Variants in TMPRSS11F observed in about 807,000 individuals in gnomAD.
The protein encoded by TMPRSS11F is transmembrane protease serine 11F.
A neutral mutation model predicts 60.2 loss-of-function variants in TMPRSS11F; 47 were observed. The observed-to-expected ratio is 0.78, with a 90% CI of 0.62 to 1.00. The LOEUF (loss-of-function observed/expected upper bound fraction) is 1.00, where lower values mean the gene tolerates loss of function less well. TMPRSS11F is among the 50% of genes least tolerant of loss of function. The pLI is 0.00. For synonymous variants in TMPRSS11F, 166 were observed against 167.3 expected, an observed-to-expected ratio of 0.99 and a Z score of 0.06; for missense variants, 519 against 522.9, an observed-to-expected ratio of 0.99 and a Z score of 0.07.
chr4:68,105,016 C>T (rs1167213522), intron 1 of TMPRSS11F, among the ~76,000 whole-genome samples: 1 of 126,408 alleles, frequency 7.9e-6, no homozygotes, highest in African/African-American at 3.0e-5. Flanking sequence ...TGATGCTGGC[C>T]TTGTAAAATG....
chr4:68,127,671 G>A (rs141648360), intron 1 of TMPRSS11F, among the ~76,000 whole-genome samples: 4 of 152,006 alleles, frequency 2.6e-5, no homozygotes, highest in African/African-American at 7.2e-5. Context: ...CATGACCCAC[G>A]GTTAGAAATG....
At chr4:68,064,608 A>T in intron 8 of TMPRSS11F, 77 bp downstream of exon 8, 1 of 1,474,418 alleles carries the variant, frequency 6.8e-7, no homozygotes, top group Non-Finnish European at 9.2e-7. Flanking sequence ...AAAGCTTAAG[A>T]GGGATTCTTT....
intron 3 of TMPRSS11F, among the ~76,000 whole-genome samples, chr4:68,078,082 G>A (rs181772211): frequency 2.6e-4 from 39 of 152,182 alleles, no homozygotes; most frequent in African/African-American, 8.7e-4. Context: ...CCCAGGAAGC[G>A]GTGGATGGTC....
At position 68,053,923 on chromosome 4, in the gene TMPRSS11F, T is replaced by C; in HGVS notation, c.1303A>G (p.Lys435Glu). Residue 435 changes from lysine (K) to glutamate (E), a missense_variant, in exon 10 of 10, where the codon AAG becomes GAG. By Grantham distance (56) the Lys-to-Glu change is moderately conservative (BLOSUM62 1). Transcript: ENST00000356291. ...VTKYRDWIASKTGM is the reference protein window; with the variant it reads ...VTKYRDWIASETGM ...GGCAATCCACACTACATACCAGTCTTTGAGGCAATCCAATCTCGATACTTA... is the reference window on the plus strand; with the variant it reads ...GGCAATCCACACTACATACCAGTCTCTGAGGCAATCCAATCTCGATACTTA... 1 of 1,613,444 alleles carries C rather than the reference T, an allele frequency of 6.2e-7. No homozygotes were observed.
At chr4:68,095,925 C>T (rs1189171173) in intron 2 of TMPRSS11F, among the ~76,000 whole-genome samples, 1 of 143,832 alleles carries the variant, frequency 7.0e-6, no homozygotes, top group East Asian at 2.1e-4. Flanking sequence ...AAGCATATGT[C>T]CAATGACCCA....
chr4:68,103,559 C>T (rs551464601), intron 1 of TMPRSS11F, among the ~76,000 whole-genome samples: 29 of 152,186 alleles, frequency 1.9e-4, no homozygotes, highest in East Asian at 5.8e-4. Context: ...TTTTGATTAA[C>T]ATAGCTTTGT....
intron 3 of TMPRSS11F, among the ~76,000 whole-genome samples, chr4:68,076,631 A>C (rs1444070853): frequency 6.6e-6 from 1 of 152,214 alleles, no homozygotes; most frequent in Non-Finnish European, 1.5e-5. Context: ...AAGGTTTTGA[A>C]AGACACGCTC....
chr4:68,057,883 G>T (rs959896053), intron 9 of TMPRSS11F, among the ~76,000 whole-genome samples: 1 of 152,266 alleles, frequency 6.6e-6, no homozygotes, highest in African/African-American at 2.4e-5. Context: ...ATATTATGCA[G>T]CCATAAAAAG....
chr4:68,062,702 A>G (rs777817221), intron 8 of TMPRSS11F: 2 of 747,824 alleles, frequency 2.7e-6, no homozygotes, highest in South Asian at 2.7e-5. Flanking sequence ...CACAGACAGC[A>G]TGAGTGTCAC....
chr4:68,069,912 T>G, intron 6 of TMPRSS11F, 57 bp downstream of exon 6: 2 of 1,439,624 alleles, frequency 1.4e-6, no homozygotes, highest in Non-Finnish European at 9.3e-7. Flanking sequence ...TTTCTATAAC[T>G]TTTTTCATGA....
At chr4:68,078,020 ACCTGC>A (rs912937736) in intron 3 of TMPRSS11F, among the ~76,000 whole-genome samples, 1 of 152,116 alleles carries the variant, frequency 6.6e-6, no homozygotes, top group African/African-American at 2.4e-5. Context: ...GGCTGGGCTG[ACCTGC>A]CCTGCCCTGC....
chr4:68,114,274 A>G (rs374869931), intron 1 of TMPRSS11F, among the ~76,000 whole-genome samples: 4 of 151,956 alleles, frequency 2.6e-5, no homozygotes, highest in East Asian at 3.8e-4. Flanking sequence ...GATGAAATTG[A>G]AAACAGTAGA....
At position 68,059,362 on chromosome 4, in the gene TMPRSS11F, A is replaced by T; in HGVS notation, c.1122T>A (p.Cys374Ter). The T allele has an allele frequency of 6.2e-7, 1 of 1,613,930 alleles. No individual in the cohort carries two copies. The highest frequency in any genetic ancestry group is 8.5e-7 in the Non-Finnish European group (1 of 1,179,954). The change falls in exon 9 of 10, where the codon TGT becomes TGA. Residue 374 changes from cysteine (C) to a stop codon, truncating the protein, a stop_gained. Coordinates refer to ENST00000356291, the MANE Select transcript of TMPRSS11F (RefSeq NM_207407.2). LOFTEE classifies it high-confidence loss of function. Reference protein sequence around the residue: ...YDGLITPGMLCAGFMEGKIDA... With the variant: ...YDGLITPGML ...CTATTTTTCCTTCCATGAATCCAGC[A>T]CATAACATTCCTGGAGTTATCAGGC...
chr4:68,120,044 T>A (rs548488806), intron 1 of TMPRSS11F, among the ~76,000 whole-genome samples: 4 of 152,202 alleles, frequency 2.6e-5, no homozygotes, highest in Non-Finnish European at 4.4e-5. Context: ...GTGGAGGAAG[T>A]AACTGCAGAT....
chr4:68,127,290 C>T (rs1022171620), intron 1 of TMPRSS11F, among the ~76,000 whole-genome samples: 11 of 152,162 alleles, frequency 7.2e-5, no homozygotes, highest in East Asian at 3.9e-4. Flanking sequence ...ACAGTTATTA[C>T]GTATTCAAAG....
intron 3 of TMPRSS11F, among the ~76,000 whole-genome samples, chr4:68,084,646 A>C (rs1352193219): frequency 6.6e-6 from 1 of 152,242 alleles, no homozygotes; most frequent in Admixed American, 6.5e-5. Context: ...GCCTTACAAG[A>C]GGTCCTTAAG....
chr4:68,098,375 AACTATGAT>A (rs1265779432), intron 2 of TMPRSS11F, among the ~76,000 whole-genome samples: 2 of 152,212 alleles, frequency 1.3e-5, no homozygotes, highest in Non-Finnish European at 2.9e-5. Context: ...CATTTGGCTC[AACTATGAT>A]ACTGACTCTC....
At chr4:68,058,997 A>T (rs946838065) in intron 9 of TMPRSS11F, among the ~76,000 whole-genome samples, 1 of 152,178 alleles carries the variant, frequency 6.6e-6, no homozygotes, top group South Asian at 2.1e-4. Flanking sequence ...CTTGGAATGG[A>T]AAGAAAACTT....
chr4:68,091,618 A>G (rs974646326), intron 2 of TMPRSS11F, among the ~76,000 whole-genome samples: 3 of 151,998 alleles, frequency 2.0e-5, no homozygotes, highest in African/African-American at 7.2e-5. Flanking sequence ...TCCACTTCCT[A>G]TATTTTCTAT....
Sources: allele counts gnomAD v4.1 joint callset (sites outside exome capture counted in the v4.1 genomes callset), GRCh38; gene constraint gnomAD v4.1.1; transcripts MANE v1.5; gene names NCBI Gene and HGNC (gene_info 2026-07-23, HGNC 2026-07-21).